The following ATP8B4 variants were observed in gnomAD, a reference collection of about 807,000 sequenced individuals.
ATP8B4 encodes the protein probable phospholipid-transporting ATPase IM.
In ATP8B4, 133 loss-of-function variants were observed where a neutral mutation model predicts 145.6. The ratio of observed to expected loss-of-function variants is 0.91; its 90% CI spans 0.79 to 1.05. The LOEUF is 1.05. Ranked by LOEUF, ATP8B4 falls within the 50% of genes least tolerant of loss-of-function variation. The pLI, the probability that ATP8B4 is intolerant of heterozygous loss-of-function variation, is 0.00. For missense variants in ATP8B4, 1,458 were observed against 1,425.2 expected, an observed-to-expected ratio of 1.02 and a Z score of -0.37; for synonymous variants, 507 against 492.9, an observed-to-expected ratio of 1.03 and a Z score of -0.38.
intron 24 of ATP8B4, 94 bp downstream of exon 24, chr15:49,879,282 C>T (rs1337014794): frequency 9.0e-6 from 10 of 1,110,764 alleles, no homozygotes; most frequent in Non-Finnish European, 1.3e-5. Flanking sequence ...ATTCCTAGGG[C>T]TGCTACTTAG....
intron 27 of ATP8B4, 52 bp from the exon 28 acceptor site, chr15:49,860,527 A>G (rs751274642): frequency 1.3e-5 from 20 of 1,513,732 alleles, no homozygotes; most frequent in Non-Finnish European, 1.8e-5. Flanking sequence ...GATAGACTCC[A>G]GGCAGTGGCC....
chr15:50,103,728 A>C (rs1408099496), intron 2 of ATP8B4, among the ~76,000 whole-genome samples: 1 of 152,184 alleles, frequency 6.6e-6, no homozygotes, highest in Non-Finnish European at 1.5e-5. Flanking sequence ...ACTAGAAAAA[A>C]CAATACTAAA....
At chr15:49,878,441 T>A (rs1485313877) in intron 24 of ATP8B4, among the ~76,000 whole-genome samples, 1 of 152,210 alleles carries the variant, frequency 6.6e-6, no homozygotes, top group East Asian at 1.9e-4. Flanking sequence ...TATTTTGCAA[T>A]AGACGGCTTT....
intron 1 of ATP8B4, among the ~76,000 whole-genome samples, chr15:50,153,935 G>A (rs577090760): frequency 2.0e-5 from 3 of 152,230 alleles, no homozygotes; most frequent in South Asian, 2.1e-4. Flanking sequence ...AGAGAAGATC[G>A]ATACTTTAAA....
chr15:49,875,867 T>C (rs1377100736), intron 25 of ATP8B4, among the ~76,000 whole-genome samples: 5 of 152,212 alleles, frequency 3.3e-5, no homozygotes, highest in Admixed American at 6.5e-5. Context: ...AATAACTCCA[T>C]AGAAATGTAT....
chr15:50,170,681 C>A (rs1896171), intron 1 of ATP8B4, among the ~76,000 whole-genome samples: 90,839 of 151,934 alleles, frequency 0.6, 28,077 homozygotes, highest in East Asian at 0.91. Flanking sequence ...ACAAAGAGCA[C>A]AATAAATGCA....
At chr15:49,881,959 C>T (rs937222173) in intron 23 of ATP8B4, among the ~76,000 whole-genome samples, 4 of 152,182 alleles carry the variant, frequency 2.6e-5, no homozygotes, top group African/African-American at 9.7e-5. Flanking sequence ...CTTCTCCAGA[C>T]TCTATGTTTA....
intron 14 of ATP8B4, among the ~76,000 whole-genome samples, chr15:49,944,195 G>A (rs977733546): frequency 8.6e-5 from 13 of 151,984 alleles, no homozygotes; most frequent in African/African-American, 3.1e-4. Flanking sequence ...GTAACAAAAT[G>A]GTAATAGTAA....
chr15:50,178,380 T>C (rs2044795008), intron 1 of ATP8B4, among the ~76,000 whole-genome samples: 1 of 152,234 alleles, frequency 6.6e-6, no homozygotes, highest in Admixed American at 6.5e-5. Context: ...CATATTTCCC[T>C]GTGGAATTTA....
At chr15:50,096,920 C>T (rs1245938884) in intron 2 of ATP8B4, among the ~76,000 whole-genome samples, 1 of 152,146 alleles carries the variant, frequency 6.6e-6, no homozygotes, top group Non-Finnish European at 1.5e-5. Flanking sequence ...TTTTGTGAAG[C>T]CAGCACTGTC....
chr15:49,914,208 T>G (rs1055458863), intron 20 of ATP8B4, among the ~76,000 whole-genome samples: 1 of 151,846 alleles, frequency 6.6e-6, no homozygotes, highest in African/African-American at 2.4e-5. Context: ...ACAAAGACAC[T>G]AAGTACACAC....
At chr15:49,998,153 T>C (rs1024702877) in intron 8 of ATP8B4, among the ~76,000 whole-genome samples, 1 of 152,180 alleles carries the variant, frequency 6.6e-6, no homozygotes, top group African/African-American at 2.4e-5. Context: ...CTCTCCACTA[T>C]CTCAGTTCTA....
intron 1 of ATP8B4, among the ~76,000 whole-genome samples, chr15:50,179,741 G>A (rs1336616911): frequency 6.6e-6 from 1 of 152,180 alleles, no homozygotes; most frequent in Non-Finnish European, 1.5e-5. Flanking sequence ...ACAGTGAGAA[G>A]GCACCATCTG....
chr15:49,946,202 T>C (rs562407497), intron 14 of ATP8B4, among the ~76,000 whole-genome samples: 62 of 152,190 alleles, frequency 4.1e-4, no homozygotes, highest in Non-Finnish European at 7.2e-4. Flanking sequence ...TACATTTCTA[T>C]ATAGTAACAA....
intron 25 of ATP8B4, among the ~76,000 whole-genome samples, chr15:49,872,420 G>A (rs561442392): frequency 1.2e-4 from 18 of 152,226 alleles, no homozygotes; most frequent in East Asian, 7.7e-4. Flanking sequence ...TGGACTCAGC[G>A]ACTTACTTTT....
At chr15:50,094,919 A>G (rs930810400) in intron 2 of ATP8B4, among the ~76,000 whole-genome samples, 4 of 152,180 alleles carry the variant, frequency 2.6e-5, no homozygotes, top group Admixed American at 2.0e-4. Flanking sequence ...ATGGAAGCCA[A>G]ATTCCAGATC....
intron 1 of ATP8B4, among the ~76,000 whole-genome samples, chr15:50,109,994 T>C (rs570253506): frequency 1.4e-4 from 22 of 152,344 alleles, no homozygotes; most frequent in African/African-American, 5.0e-4. Flanking sequence ...CATACAGCTA[T>C]GTTGCTACTG....
intron 15 of ATP8B4, among the ~76,000 whole-genome samples, chr15:49,933,105 A>G (rs1016920685): frequency 6.8e-4 from 104 of 152,042 alleles, no homozygotes. Context: ...AAATTTATAT[A>G]AATTAAGTTC....
intron 9 of ATP8B4, among the ~76,000 whole-genome samples, chr15:49,994,642 G>A (rs984562161): frequency 6.6e-6 from 1 of 151,938 alleles, no homozygotes; most frequent in Non-Finnish European, 1.5e-5. Context: ...AAAAAGCCAA[G>A]CAGGGTATGG....
Sources: allele counts gnomAD v4.1 joint callset (sites outside exome capture counted in the v4.1 genomes callset), GRCh38; gene constraint gnomAD v4.1.1; transcripts MANE v1.5; gene names NCBI Gene and HGNC (gene_info 2026-07-23, HGNC 2026-07-21).